NUP205: variants seen among roughly 807,000 people sequenced by gnomAD.
The protein encoded by NUP205 is nuclear pore complex protein Nup205.
In NUP205, 76 loss-of-function variants were observed where a neutral mutation model predicts 253.8. The ratio of observed to expected loss-of-function variants is 0.30; its 90% CI spans 0.25 to 0.36. The LOEUF (loss-of-function observed/expected upper bound fraction) is 0.36. Among genes scored for constraint, NUP205 ranks in the 10% least tolerant of loss-of-function variants. The pLI is 1.00. For missense variants in NUP205, 2,162 were observed against 2,425.5 expected (o/e 0.89, Z 2.28); for synonymous variants, 832 against 850.1 (o/e 0.98, Z 0.37).
At chr7:135,570,875 A>G (rs1318786329) in intron 1 of NUP205, among the ~76,000 whole-genome samples, 1 of 120,416 alleles carries the variant, frequency 8.3e-6, no homozygotes, top group Non-Finnish European at 1.6e-5. Context: ...TATAAAATAT[A>G]TGTAATATAT....
rs771556715 is a variant in NUP205, at chr7:135,619,506, C to G, written c.4047C>G (p.Ala1349=). Residue 1349 remains alanine, a synonymous_variant, in exon 29 of 43, where the codon GCC becomes GCG. Coordinates refer to ENST00000285968, the MANE Select transcript of NUP205 (RefSeq NM_015135.3). The stretch of plus-strand genomic sequence containing the variant: ...CACTGACTGCTCACCTAAGCCAGGC[C>G]GTCCTCACTGAACAGAAGGAAACAT... ...VFTLTAHLSQ[A]VLTEQKETSV... 12 of 1,613,914 alleles carry G rather than the reference C, an allele frequency of 7.4e-6. No individual in the cohort carries two copies. Among genetic ancestry groups the G allele is most frequent in the East Asian group, 6.7e-5 (3 of 44,886 alleles).
chr7:135,632,039 C>G (rs1477235998), intron 35 of NUP205, among the ~76,000 whole-genome samples: 1 of 152,128 alleles, frequency 6.6e-6, no homozygotes, highest in African/African-American at 2.4e-5. Flanking sequence ...GCCACCGCGC[C>G]CGGCCTATCT....
chr7:135,577,244 T>C (rs1806176889), intron 5 of NUP205, 116 bp downstream of exon 5: 1 of 1,004,976 alleles, frequency 1.0e-6, no homozygotes, highest in African/African-American at 1.7e-5. Context: ...CCATGCCTGA[T>C]TGCCACTTTT....
At chr7:135,563,157 C>G in intron 1 of NUP205, among the ~76,000 whole-genome samples, 1 of 151,990 alleles carries the variant, frequency 6.6e-6, no homozygotes, top group Non-Finnish European at 1.5e-5. Context: ...CCTTCATATC[C>G]TGACCACAGT....
chr7:135,561,109 C>T (rs939662377), intron 1 of NUP205, among the ~76,000 whole-genome samples: 2 of 152,256 alleles, frequency 1.3e-5, no homozygotes, highest in Middle Eastern at 3.4e-3. Flanking sequence ...CTTTGGGAGG[C>T]TGAAGTGGGC....
chr7:135,578,798 A>G lies in NUP205; in HGVS notation c.925A>G (p.Thr309Ala), dbSNP rs776958483. 5.0e-6 allele frequency: 8 copies of G among 1,609,892 alleles called. No individual in the cohort carries two copies. In the Admixed American group the frequency reaches 8.5e-5, roughly 17 times the overall value. The change falls in exon 7 of 43, where the codon ACA becomes GCA. Residue 309 changes from threonine (T) to alanine (A), a missense_variant. Physicochemically the swap from Thr to Ala is moderately conservative, Grantham distance 58. Coordinates refer to ENST00000285968, the MANE Select transcript of NUP205 (RefSeq NM_015135.3). ...GTTGACAGAAAAACAGTACATTGCAACAATTCACTCTCGTCTTCAGGACTC... is the reference window on the plus strand; with the variant it reads ...GTTGACAGAAAAACAGTACATTGCAGCAATTCACTCTCGTCTTCAGGACTC... ...PLLTEKQYIA[T>A]IHSRLQDSQL...
At chr7:135,609,704 T>C (rs1314687447) in intron 22 of NUP205, among the ~76,000 whole-genome samples, 1 of 152,208 alleles carries the variant, frequency 6.6e-6, no homozygotes, top group Admixed American at 6.5e-5. Context: ...ATGGATATTT[T>C]TCTTTGTTAA....
intron 1 of NUP205, among the ~76,000 whole-genome samples, chr7:135,566,367 A>G (rs1462216906): frequency 2.6e-5 from 4 of 152,172 alleles, no homozygotes; most frequent in Non-Finnish European, 5.9e-5. Flanking sequence ...CTGGGGTTAC[A>G]CGGATGAGCC....
At chr7:135,558,068 A>G (rs1290626468) in intron 1 of NUP205, 96 bp downstream of exon 1, 10 of 1,041,632 alleles carry the variant, frequency 9.6e-6, no homozygotes, top group Non-Finnish European at 1.5e-5. Flanking sequence ...CTAGGACCCC[A>G]CTTATGTGCG....
chr7:135,645,463 T>C lies in NUP205; in HGVS notation c.5684-5T>C. Reference sequence around the variant, plus strand: ...TATGTTCCTTTAATCTGAGCTCTGGTATAGTTATCATAGAGACCTGCCTAT... The same window carrying C: ...TATGTTCCTTTAATCTGAGCTCTGGCATAGTTATCATAGAGACCTGCCTAT... On this transcript the variant is annotated splice_polypyrimidine_tract_variant and splice_region_variant and intron_variant, in intron 40 of 42. Coordinates refer to ENST00000285968, the MANE Select transcript of NUP205 (RefSeq NM_015135.3). 6.2e-7 allele frequency: 1 copy of C among 1,612,498 alleles called. No individual in the cohort carries two copies. The highest frequency in any genetic ancestry group is 8.5e-7 in the Non-Finnish European group (1 of 1,179,496).
chr7:135,566,409 A>G (rs1326192073), intron 1 of NUP205, among the ~76,000 whole-genome samples: 2 of 152,142 alleles, frequency 1.3e-5, no homozygotes, highest in Non-Finnish European at 2.9e-5. Flanking sequence ...TTGCTCTTTA[A>G]TGGGAAGTAT....
Position 135,604,364 on chromosome 7 carries a change from T to C in NUP205, c.2727T>C (p.Asn909=), listed in dbSNP as rs1794038958. 1.2e-6 allele frequency: 2 copies of C among 1,611,852 alleles called. No homozygotes were observed. Among genetic ancestry groups the C allele is most frequent in the Non-Finnish European group, 1.7e-6 (2 of 1,179,040 alleles). Residue 909 remains asparagine, a synonymous_variant, in exon 19 of 43, where the codon AAT becomes AAC. Coordinates refer to ENST00000285968, the MANE Select transcript of NUP205 (RefSeq NM_015135.3). ...IARYLYHGNT[N]PELAFESAKI... is the part of the protein sequence containing the mutation. ...GATACCTATATCATGGCAATACTAA[T>C]CCAGAATTGGCTTTTGAAAGTGCCA...
Position 135,600,950 on chromosome 7 carries a change from C to A in NUP205, c.2355C>A (p.Asp785Glu). 3 of 1,603,726 alleles carry A rather than the reference C, an allele frequency of 1.9e-6. No individual in the cohort carries two copies. The highest frequency in any genetic ancestry group is 1.7e-6 in the Non-Finnish European group (2 of 1,171,556). Reference protein sequence around the residue: ...DYEPQLEDFVDQFVELQGEEI... With the variant: ...DYEPQLEDFVEQFVELQGEEI... The stretch of plus-strand genomic sequence containing the variant: ...AGCCTCAGCTTGAAGATTTTGTAGA[C>A]CAGTTTGTGGAACTACAAGGTAATT... The change falls in exon 16 of 43, where the codon GAC becomes GAA. Residue 785 changes from aspartate (D) to glutamate (E), a missense_variant. By Grantham distance (45) the Asp-to-Glu change is conservative. Transcript: ENST00000285968.
chr7:135,578,736 T>A lies in NUP205; in HGVS notation c.878-15T>A. ...ATCTGGTGATCGGTAAAGTGGTCTA[T>A]TTTTGTGTTTTCAGATATGATTCAT... On this transcript the variant is annotated splice_polypyrimidine_tract_variant and intron_variant, in intron 6 of 42. Transcript: ENST00000285968. 1 of 1,575,288 alleles carries A rather than the reference T, an allele frequency of 6.3e-7. No homozygotes were observed. Among genetic ancestry groups the A allele is most frequent in the Non-Finnish European group, 8.6e-7 (1 of 1,159,110 alleles).
chr7:135,620,230 G>C (rs746465931), intron 30 of NUP205, among the ~76,000 whole-genome samples: 1 of 152,058 alleles, frequency 6.6e-6, no homozygotes, highest in Non-Finnish European at 1.5e-5. Flanking sequence ...TACTTATCTA[G>C]TTGATTCTTT....
At chr7:135,646,353 A>C (rs760686711) in intron 42 of NUP205, 122 bp downstream of exon 42, 14 of 727,356 alleles carry the variant, frequency 1.9e-5, no homozygotes, top group Non-Finnish European at 3.3e-5. Flanking sequence ...GCTTGAGCCC[A>C]GGAGTTTGAG....
At chr7:135,638,705 G>C (rs1794864066) in intron 38 of NUP205, 22 bp downstream of exon 38, 1 of 1,613,880 alleles carries the variant, frequency 6.2e-7, no homozygotes, top group Non-Finnish European at 8.5e-7. Flanking sequence ...TTTTCATTCT[G>C]TATTGAAGGA....
chr7:135,601,079 T>C, intron 16 of NUP205, 110 bp downstream of exon 16: 1 of 623,548 alleles, frequency 1.6e-6, no homozygotes, highest in Non-Finnish European at 2.7e-6. Flanking sequence ...GAATTTAATC[T>C]TTTGTTTCAT....
intron 16 of NUP205, 61 bp downstream of exon 16, chr7:135,601,030 C>A: frequency 1.2e-6 from 1 of 812,812 alleles, no homozygotes; most frequent in Admixed American, 2.4e-5. Context: ...TAAATTATGG[C>A]TATGTTATAT....
Sources: allele counts gnomAD v4.1 joint callset (sites outside exome capture counted in the v4.1 genomes callset), GRCh38; gene constraint gnomAD v4.1.1; transcripts MANE v1.5; gene names NCBI Gene and HGNC (gene_info 2026-07-23, HGNC 2026-07-21).